The following KSR2 variants were observed in gnomAD, a reference collection of about 807,000 sequenced individuals.
The protein encoded by KSR2 is kinase suppressor of ras 2.
In KSR2, 25 loss-of-function variants were observed where a neutral mutation model predicts 107.8. The ratio of observed to expected loss-of-function variants is 0.23; its 90% CI spans 0.17 to 0.32. The LOEUF (loss-of-function observed/expected upper bound fraction) is 0.32. KSR2 is among the 10% of genes least tolerant of loss of function. KSR2 has a pLI of 1.00. For missense variants in KSR2, 887 were observed against 1,268.9 expected, an observed-to-expected ratio of 0.70 and a Z score of 4.57; for synonymous variants, 480 against 507.0, an observed-to-expected ratio of 0.95 and a Z score of 0.71.
rs184796145 is a variant in KSR2 at position 117,570,230 on chromosome 12, C to T, written c.1325+8889G>A. ...TGTTAGCCAGGATGGTCTCAATCTC[C>T]TGACCTTGTGATCCGCCCGCCTCGG... On this transcript the variant is annotated intron_variant, in intron 7 of 19. Coordinates refer to ENST00000339824, the MANE Select transcript of KSR2 (RefSeq NM_173598.6). 1.3e-3 allele frequency among the ~76,000 whole-genome samples: 197 copies of T among 152,264 alleles called. 1 individual carries two copies. The highest frequency in any genetic ancestry group is 1.9e-3 in the African/African-American group (80 of 41,558).
intron 4 of KSR2, among the ~76,000 whole-genome samples, chr12:117,697,917 G>A (rs1886138850): frequency 1.3e-5 from 2 of 152,024 alleles, no homozygotes; most frequent in South Asian, 4.2e-4. Flanking sequence ...GGAGTAGGGT[G>A]GACCCCTCCC....
chr12:117,456,764 A>C lies in KSR2; in HGVS notation c.*10435T>G, dbSNP rs545854259. ...TAAAACAGCTGGACCTACAGAGGCC[A>C]TCCTCACCCACTGCCTGTCTCCATG... On this transcript the variant is annotated 3_prime_UTR_variant, in exon 20 of 20. Transcript: ENST00000339824. 6.6e-6 allele frequency: 1 copy of C among 152,384 alleles called. No homozygotes were observed. The highest frequency in any genetic ancestry group is 2.1e-4 in the South Asian group (1 of 4,824). 9.4% of individuals were successfully genotyped at this position (152,384 alleles called of 1,614,324 possible). A position where few individuals can be genotyped will look rare whatever the true frequency, so the allele number is the denominator to read the frequency against.
At chr12:117,650,038 T>C (rs796716414) in intron 5 of KSR2, among the ~76,000 whole-genome samples, 5 of 152,350 alleles carry the variant, frequency 3.3e-5, no homozygotes, top group African/African-American at 1.2e-4. Flanking sequence ...TGGTTAATAC[T>C]GAGTGACAAC....
intron 5 of KSR2, among the ~76,000 whole-genome samples, chr12:117,661,847 G>A (rs1231165970): frequency 6.6e-6 from 1 of 152,238 alleles, no homozygotes; most frequent in Non-Finnish European, 1.5e-5. Context: ...GGCAGAAGGA[G>A]TTAAGCTGGT....
intron 5 of KSR2, among the ~76,000 whole-genome samples, chr12:117,594,344 T>G (rs537125615): frequency 3.3e-5 from 5 of 152,324 alleles, no homozygotes; most frequent in African/African-American, 1.2e-4. Context: ...GCTCTGGACT[T>G]CAGGCAATAG....
At chr12:117,489,561 A>G (rs1267554856) in intron 14 of KSR2, among the ~76,000 whole-genome samples, 1 of 152,040 alleles carries the variant, frequency 6.6e-6, no homozygotes, top group African/African-American at 2.4e-5. Context: ...AAAAAAAAAA[A>G]AAAAAAGTAA....
chr12:117,876,618 T>A (rs1893861487), intron 1 of KSR2, among the ~76,000 whole-genome samples: 1 of 152,108 alleles, frequency 6.6e-6, no homozygotes, highest in Non-Finnish European at 1.5e-5. Context: ...CCTTACACGA[T>A]CCTTATAATT....
At chr12:117,859,270 C>A (rs939208479) in intron 2 of KSR2, among the ~76,000 whole-genome samples, 6 of 150,966 alleles carry the variant, frequency 4.0e-5, no homozygotes, top group Non-Finnish European at 8.8e-5. Flanking sequence ...CTCAGCCTCC[C>A]GAGTAGCTGG....
intron 1 of KSR2, among the ~76,000 whole-genome samples, chr12:117,914,763 T>C (rs561545867): frequency 6.6e-6 from 1 of 152,308 alleles, no homozygotes; most frequent in South Asian, 2.1e-4. Flanking sequence ...CTTGGACTCC[T>C]GGCCTCAAGT....
At chr12:117,628,946 G>C (rs1054328490) in intron 5 of KSR2, among the ~76,000 whole-genome samples, 76 of 152,382 alleles carry the variant, frequency 5.0e-4, no homozygotes, top group Admixed American at 4.7e-3. Flanking sequence ...CTGTCTGGCA[G>C]ATCGATCTCG....
At chr12:117,485,103 T>A (rs1003371751) in intron 15 of KSR2, among the ~76,000 whole-genome samples, 20 of 152,280 alleles carry the variant, frequency 1.3e-4, no homozygotes, top group Middle Eastern at 3.4e-3. Context: ...TGCAGCTCAG[T>A]CCTAACACCT....
intron 14 of KSR2, among the ~76,000 whole-genome samples, chr12:117,511,884 A>G (rs538545030): frequency 6.6e-6 from 1 of 152,234 alleles, no homozygotes; most frequent in East Asian, 1.9e-4. Context: ...GCGACCCCAC[A>G]CTGCCATTCT....
At chr12:117,707,619 A>T (rs1205276847) in intron 4 of KSR2, among the ~76,000 whole-genome samples, 1 of 152,192 alleles carries the variant, frequency 6.6e-6, no homozygotes, top group Non-Finnish European at 1.5e-5. Flanking sequence ...GGTTGTGCAG[A>T]AAACAAATGA....
chr12:117,859,255 C>T (rs532839937), intron 2 of KSR2, among the ~76,000 whole-genome samples: 18 of 149,352 alleles, frequency 1.2e-4, no homozygotes, highest in Non-Finnish European at 2.1e-4. Context: ...AAGCTATTCT[C>T]CTGCCTCAGC....
At chr12:117,863,849 AT>A (rs1893389957) in intron 1 of KSR2, among the ~76,000 whole-genome samples, 1 of 151,630 alleles carries the variant, frequency 6.6e-6, no homozygotes. Flanking sequence ...CCTTCCCCAC[AT>A]CACTCCACTT....
chr12:117,968,260 T>C lies in KSR2; in HGVS notation c.-5A>G. 2 of 1,351,438 alleles carry C rather than the reference T, an allele frequency of 1.5e-6. No homozygotes were observed. The highest frequency in any genetic ancestry group is 2.0e-6 in the Non-Finnish European group (2 of 1,021,332). The allele number at this position is 1,351,438 out of a possible 1,614,324, so 83.7% of individuals were successfully genotyped here. On this transcript the variant is annotated 5_prime_UTR_variant, in exon 1 of 20. Coordinates refer to ENST00000339824, the MANE Select transcript of KSR2 (RefSeq NM_173598.6). ...CGTCATGTTTTCCTCATCCATCGCT[T>C]GCTCTGCAACCCCCTTCCCCTCCTC...
chr12:117,590,148 T>C (rs1218453944), intron 5 of KSR2, among the ~76,000 whole-genome samples: 5 of 152,254 alleles, frequency 3.3e-5, no homozygotes, highest in Non-Finnish European at 7.3e-5. Flanking sequence ...GCTAAGCTAT[T>C]GAGACTATGG....
intron 5 of KSR2, among the ~76,000 whole-genome samples, chr12:117,660,857 C>T (rs1884404689): frequency 1.3e-5 from 2 of 152,210 alleles, no homozygotes; most frequent in African/African-American, 4.8e-5. Context: ...CAGTTTCTTG[C>T]ACTTTGAGAG....
chr12:117,635,108 C>G (rs10850863), intron 5 of KSR2, among the ~76,000 whole-genome samples: 25,166 of 152,158 alleles, frequency 0.17, 2,157 homozygotes, highest in Middle Eastern at 0.24. Flanking sequence ...CTCTGGAAAA[C>G]TCAGAGTTTG....
Sources: allele counts gnomAD v4.1 joint callset (sites outside exome capture counted in the v4.1 genomes callset), GRCh38; gene constraint gnomAD v4.1.1; transcripts MANE v1.5; gene names NCBI Gene and HGNC (gene_info 2026-07-23, HGNC 2026-07-21).